Variants in ETHE1 observed in about 807,000 individuals in gnomAD.
ETHE1 encodes the protein ETHE1 persulfide dioxygenase.
ETHE1 carries 16 observed loss-of-function variants against 25.7 expected under a neutral mutation model. That is an observed-to-expected ratio of 0.62 (90% CI 0.42 to 0.95). ETHE1 has a LOEUF of 0.95. Ranked by LOEUF, ETHE1 falls within the 40% of genes least tolerant of loss-of-function variation. The pLI, the probability that ETHE1 is intolerant of heterozygous loss-of-function variation, is 0.00. For missense variants in ETHE1, 300 were observed against 333.6 expected (o/e 0.90, Z 0.79); for synonymous variants, 139 against 135.9 (o/e 1.02, Z -0.16).
chr19:43,508,935 G>C, intron 4 of ETHE1, 71 bp from the exon 5 acceptor site: 1 of 1,167,730 alleles, frequency 8.6e-7, no homozygotes, highest in South Asian at 1.3e-5. Flanking sequence ...TTCAAGAAAA[G>C]GGTAGGAGGA....
At chr19:43,510,348 T>C (rs988902225) in intron 4 of ETHE1, among the ~76,000 whole-genome samples, 6 of 150,428 alleles carry the variant, frequency 4.0e-5, no homozygotes, top group Non-Finnish European at 8.9e-5. Flanking sequence ...TTTTTTTTTT[T>C]TTTTTGAGAT....
chr19:43,518,021 A>C (rs938039704), intron 3 of ETHE1, among the ~76,000 whole-genome samples: 16 of 151,842 alleles, frequency 1.1e-4, no homozygotes, highest in Non-Finnish European at 7.4e-5. Context: ...CTCAAAAAAA[A>C]AAGTCAATAT....
chr19:43,512,736 A>G (rs1033906488), intron 3 of ETHE1, among the ~76,000 whole-genome samples: 3 of 105,696 alleles, frequency 2.8e-5, no homozygotes, highest in African/African-American at 1.1e-4. Context: ...CAGCCTGACA[A>G]TGTGATAGAA....
At position 43,526,252 on chromosome 19, in the gene ETHE1, G is replaced by A. The variant is rs1382598226; in HGVS notation, c.324C>T (p.Ala108=). The A allele has an allele frequency of 6.2e-7, 1 of 1,614,058 alleles. No individual in the cohort carries two copies. The highest frequency in any genetic ancestry group is 8.5e-7 in the Non-Finnish European group (1 of 1,180,040). The part of the protein sequence containing the change: ...CQSVISRLSG[A]QADLHIEDGD... ...CATCCTCAATGTGTAAGTCAGCCTGGGCCCCACTAAGGCGGGAGATGACAG... is the reference window on the plus strand; with the variant it reads ...CATCCTCAATGTGTAAGTCAGCCTGAGCCCCACTAAGGCGGGAGATGACAG... The change falls in exon 3 of 7, where the codon GCC becomes GCT. Residue 108 remains alanine (A), a synonymous_variant. Coordinates refer to ENST00000292147, the MANE Select transcript of ETHE1 (RefSeq NM_014297.5).
At position 43,511,560 on chromosome 19, in the gene ETHE1, C is replaced by T. The variant is rs558512580; in HGVS notation, c.382G>A (p.Glu128Lys). ...DSIRFGRFAL[E>K]TRASPGHTPG... is the part of the protein sequence containing the mutation. ...GTGTGGCCAGGGCTGGCCCTGGTCT[C>T]CAACGCCTGGCAGGGGTGGAAGAGT... is the stretch of plus-strand genomic sequence containing the variant. The change falls in exon 4 of 7, where the codon GAG becomes AAG. Residue 128 changes from glutamate to lysine, a missense_variant. Coordinates refer to ENST00000292147, the MANE Select transcript of ETHE1 (RefSeq NM_014297.5). The T allele has an allele frequency of 6.2e-7, 1 of 1,613,492 alleles. No homozygotes were observed. The highest frequency in any genetic ancestry group is 1.1e-5 in the South Asian group (1 of 91,080).
chr19:43,526,131 C>G, intron 3 of ETHE1, 70 bp downstream of exon 3: 1 of 1,608,880 alleles, frequency 6.2e-7, no homozygotes, highest in Non-Finnish European at 8.5e-7. Context: ...CCCAGGCCCC[C>G]AGTCCCCTCT....
At chr19:43,521,346 G>A (rs942292040) in intron 3 of ETHE1, among the ~76,000 whole-genome samples, 4 of 151,974 alleles carry the variant, frequency 2.6e-5, no homozygotes, top group African/African-American at 9.7e-5. Context: ...AATTACTCCT[G>A]TTTTGGCGAT....
intron 3 of ETHE1, among the ~76,000 whole-genome samples, chr19:43,515,623 G>A (rs557223313): frequency 4.3e-4 from 65 of 152,178 alleles, no homozygotes; most frequent in African/African-American, 1.4e-3. Context: ...CACCCAGACT[G>A]GAGTGCAATG....
At chr19:43,527,004 C>G in intron 1 of ETHE1, 93 bp downstream of exon 1, 1 of 1,535,928 alleles carries the variant, frequency 6.5e-7, no homozygotes, top group South Asian at 1.2e-5. Context: ...GGCGTGGGTC[C>G]CCCCGGATCT....
Position 43,518,942 on chromosome 19 carries a change from A to T in ETHE1, c.375+7259T>A, listed in dbSNP as rs911875308. ...TTTGGGGGAGAGGGGCGCGGTTCTA[A>T]AAGTTTCATGACCTATAGTGACATA... On this transcript the variant is annotated intron_variant, in intron 3 of 6. Transcript: ENST00000292147. Among the ~76,000 whole-genome samples the T allele has an allele frequency of 3.3e-5, 5 of 150,110 alleles. No homozygotes were observed. In the Admixed American group the frequency reaches 3.3e-4, roughly 10 times the overall value.
At chr19:43,515,988 T>G (rs1267160413) in intron 3 of ETHE1, among the ~76,000 whole-genome samples, 1 of 152,210 alleles carries the variant, frequency 6.6e-6, no homozygotes, top group Admixed American at 6.6e-5. Flanking sequence ...ATTCATGTCC[T>G]GAGTGGGATG....
Position 43,526,239 on chromosome 19 carries a change from G to T in ETHE1, c.337C>A (p.His113Asn). The T allele has an allele frequency of 6.2e-7, 1 of 1,614,180 alleles. No individual in the cohort carries two copies. Among genetic ancestry groups the T allele is most frequent in the East Asian group, 2.2e-5 (1 of 44,876 alleles). ...SRLSGAQADL[H>N]IEDGDSIRFG... is the part of the protein sequence containing the mutation. ...CGGATGGAGTCTCCATCCTCAATGT[G>T]TAAGTCAGCCTGGGCCCCACTAAGG... The change falls in exon 3 of 7, where the codon CAC becomes AAC. Residue 113 changes from histidine (H) to asparagine (N), a missense_variant. By Grantham distance (68) the His-to-Asn change is moderately conservative. Transcript: ENST00000292147.
intron 4 of ETHE1, 36 bp downstream of exon 4, chr19:43,511,401 T>C (rs1347356088): frequency 1.2e-6 from 2 of 1,614,008 alleles, no homozygotes; most frequent in Non-Finnish European, 1.7e-6. Context: ...CACGTAACTA[T>C]ATGAAGATCT....
intron 2 of ETHE1, 53 bp from the exon 3 acceptor site, chr19:43,526,402 C>T: frequency 6.2e-7 from 1 of 1,611,156 alleles, no homozygotes; most frequent in Non-Finnish European, 8.5e-7. Flanking sequence ...ACCTGGGAGT[C>T]CCAGCCCAGA....
At chr19:43,511,196 T>C (rs1034493624) in intron 4 of ETHE1, among the ~76,000 whole-genome samples, 4 of 152,114 alleles carry the variant, frequency 2.6e-5, no homozygotes, top group Non-Finnish European at 5.9e-5. Flanking sequence ...ATAAATGTAA[T>C]GCATTTGAAT....
At chr19:43,515,812 G>A (rs147862513) in intron 3 of ETHE1, among the ~76,000 whole-genome samples, 1 of 152,126 alleles carries the variant, frequency 6.6e-6, no homozygotes, top group Admixed American at 6.6e-5. Context: ...CTGACCTCAG[G>A]TGATTCACCC....
chr19:43,511,323 C>T, intron 4 of ETHE1, 114 bp downstream of exon 4: 2 of 1,512,020 alleles, frequency 1.3e-6, no homozygotes, highest in South Asian at 1.1e-5. Context: ...GAATTTAATA[C>T]TGAAGCCCCC....
chr19:43,509,664 C>T (rs1334379696), intron 4 of ETHE1, among the ~76,000 whole-genome samples: 4 of 151,722 alleles, frequency 2.6e-5, no homozygotes, highest in South Asian at 4.2e-4. Context: ...GGCGTGATGG[C>T]GGGCGCCTGT....
chr19:43,519,013 T>TGCA (rs1972086140), intron 3 of ETHE1, among the ~76,000 whole-genome samples: 1 of 101,670 alleles, frequency 9.8e-6, no homozygotes, highest in Non-Finnish European at 2.0e-5. Flanking sequence ...TTTTTTTTTT[T>TGCA]TTTTTTTTTT....
Sources: allele counts gnomAD v4.1 joint callset (sites outside exome capture counted in the v4.1 genomes callset), GRCh38; gene constraint gnomAD v4.1.1; transcripts MANE v1.5; gene names NCBI Gene and HGNC (gene_info 2026-07-23, HGNC 2026-07-21).